Variants in NINL observed in about 807,000 individuals in gnomAD.
NINL encodes the protein ninein-like protein.
A neutral mutation model predicts 160.3 loss-of-function variants in NINL; 153 were observed. The observed-to-expected ratio is 0.95, with a 90% CI of 0.84 to 1.09. The LOEUF is 1.09. Among genes scored for constraint, NINL ranks in the 50% least tolerant of loss-of-function variants. NINL has a pLI of 0.00. For missense variants in NINL, 1,829 were observed against 1,764.0 expected (o/e 1.04, Z -0.66); for synonymous variants, 800 against 734.8 (o/e 1.09, Z -1.43).
chr20:25,457,195 G>A (rs546304279), intron 22 of NINL, among the ~76,000 whole-genome samples: 32 of 152,000 alleles, frequency 2.1e-4, no homozygotes, highest in African/African-American at 5.8e-4. Flanking sequence ...ATGGTGATGC[G>A]TGCCTGTAGT....
At chr20:25,516,621 C>G (rs1214881561) in intron 3 of NINL, among the ~76,000 whole-genome samples, 2 of 152,174 alleles carry the variant, frequency 1.3e-5, no homozygotes, top group Admixed American at 1.3e-4. Flanking sequence ...TTGATCATAC[C>G]TCCAAGCTCC....
chr20:25,488,404 T>C (rs1201942674), intron 13 of NINL, among the ~76,000 whole-genome samples: 8 of 152,098 alleles, frequency 5.3e-5, no homozygotes, highest in Admixed American at 5.2e-4. Context: ...TTTTGTATTT[T>C]TAGTAGAGAT....
intron 1 of NINL, among the ~76,000 whole-genome samples, chr20:25,561,811 G>A (rs1187651474): frequency 6.6e-6 from 1 of 151,338 alleles, no homozygotes; most frequent in Non-Finnish European, 1.5e-5. Flanking sequence ...CGCCCCATCT[G>A]AGAAGTGAGG....
At chr20:25,520,237 G>T (rs2064239089) in intron 2 of NINL, among the ~76,000 whole-genome samples, 1 of 152,056 alleles carries the variant, frequency 6.6e-6, no homozygotes, top group Non-Finnish European at 1.5e-5. Flanking sequence ...CTTTTCTCTA[G>T]GTACGCTTCA....
chr20:25,578,264 C>T (rs1235488962), intron 1 of NINL, among the ~76,000 whole-genome samples: 2 of 151,738 alleles, frequency 1.3e-5, no homozygotes, highest in African/African-American at 4.8e-5. Context: ...TGCCCCACCA[C>T]ACCTGGCTAA....
chr20:25,524,253 C>T (rs971051524), intron 2 of NINL, among the ~76,000 whole-genome samples: 1 of 152,132 alleles, frequency 6.6e-6, no homozygotes, highest in African/African-American at 2.4e-5. Flanking sequence ...GAGGTGAACG[C>T]TAGGCATCTG....
At chr20:25,529,519 C>CA (rs1345926965) in intron 1 of NINL, among the ~76,000 whole-genome samples, 1 of 152,150 alleles carries the variant, frequency 6.6e-6, no homozygotes, top group Non-Finnish European at 1.5e-5. Context: ...CAGGAGTAGA[C>CA]AGAGGTTCAG....
intron 3 of NINL, among the ~76,000 whole-genome samples, chr20:25,515,458 A>G (rs1270259630): frequency 6.6e-6 from 1 of 152,088 alleles, no homozygotes; most frequent in African/African-American, 2.4e-5. Context: ...GTCTCAGATG[A>G]GACTTTGGAC....
At chr20:25,467,256 G>A (rs2062936877) in intron 19 of NINL, 133 bp downstream of exon 19, 4 of 790,238 alleles carry the variant, frequency 5.1e-6, no homozygotes, top group South Asian at 1.5e-5. Context: ...GGGGCCTGGG[G>A]GCCAGTCAGC....
intron 10 of NINL, among the ~76,000 whole-genome samples, chr20:25,494,921 CAGG>C (rs537909657): frequency 6.6e-6 from 1 of 152,208 alleles, no homozygotes; most frequent in African/African-American, 2.4e-5. Context: ...AGTGTAAGGC[CAGG>C]AGAAGGGAGA....
intron 10 of NINL, among the ~76,000 whole-genome samples, chr20:25,495,343 G>A (rs1053805466): frequency 1.3e-5 from 2 of 152,288 alleles, no homozygotes; most frequent in Non-Finnish European, 1.5e-5. Context: ...CAAACCGCCC[G>A]CATCCCTGGA....
In NINL at chr20:25,470,073, CAGAA is replaced by C; in HGVS notation, c.3267_3270del (p.Ser1090LysfsTer6). The C allele has an allele frequency of 6.2e-7, 1 of 1,614,084 alleles. No homozygotes were observed. Among genetic ancestry groups the C allele is most frequent in the Non-Finnish European group, 8.5e-7 (1 of 1,179,982 alleles). On this transcript the variant is annotated frameshift_variant, in exon 18 of 24. Transcript: ENST00000278886. LOFTEE classifies it high-confidence loss of function. Reference sequence around the variant, plus strand: ...TCGTTTTTCAACAAAGTGTTTTCTTCAGAAAGTCTATGGAACTCCAGTCTGCGTA... The same window carrying C: ...TCGTTTTTCAACAAAGTGTTTTCTTCAGTCTATGGAACTCCAGTCTGCGTA...
At chr20:25,495,854 C>T (rs535259001) in intron 10 of NINL, among the ~76,000 whole-genome samples, 5 of 152,276 alleles carry the variant, frequency 3.3e-5, no homozygotes, top group Non-Finnish European at 7.4e-5. Flanking sequence ...CAAAACAAAT[C>T]GGAAATCTAA....
At chr20:25,576,309 C>T (rs1188146394) in intron 1 of NINL, among the ~76,000 whole-genome samples, 1 of 152,166 alleles carries the variant, frequency 6.6e-6, no homozygotes, top group Non-Finnish European at 1.5e-5. Context: ...GGCAGGAACA[C>T]CTGGGTCAGG....
At chr20:25,472,680 C>T (rs966266970) in intron 17 of NINL, among the ~76,000 whole-genome samples, 1 of 151,884 alleles carries the variant, frequency 6.6e-6, no homozygotes, top group Non-Finnish European at 1.5e-5. Flanking sequence ...AGGTGCGTGC[C>T]ACCATGTGTG....
intron 1 of NINL, among the ~76,000 whole-genome samples, chr20:25,584,268 T>C (rs915300496): frequency 6.6e-6 from 1 of 152,112 alleles, no homozygotes; most frequent in African/African-American, 2.4e-5. Context: ...GGTCAGAAGT[T>C]CGAGACCAGC....
chr20:25,546,771 C>CGA (rs1244847659), intron 1 of NINL, among the ~76,000 whole-genome samples: 1 of 152,020 alleles, frequency 6.6e-6, no homozygotes, highest in Non-Finnish European at 1.5e-5. Flanking sequence ...CAAACCCCAC[C>CGA]GAGAGAGAGG....
intron 1 of NINL, among the ~76,000 whole-genome samples, chr20:25,558,850 G>A (rs6138601): frequency 0.16 from 23,857 of 152,118 alleles, 2,166 homozygotes; most frequent in East Asian, 0.34. Context: ...AAGCGGAGAC[G>A]GCCTGTCCCA....
intron 4 of NINL, 62 bp from the exon 5 acceptor site, chr20:25,510,802 C>T (rs1354421191): frequency 2.1e-5 from 27 of 1,277,610 alleles, no homozygotes; most frequent in African/African-American, 1.5e-4. Context: ...GACGGAGCAC[C>T]GGGAACAAAT....
Sources: allele counts gnomAD v4.1 joint callset (sites outside exome capture counted in the v4.1 genomes callset), GRCh38; gene constraint gnomAD v4.1.1; transcripts MANE v1.5; gene names NCBI Gene and HGNC (gene_info 2026-07-23, HGNC 2026-07-21).